The following TIMM13 variants were observed in gnomAD, a reference collection of about 807,000 sequenced individuals.
The protein encoded by TIMM13 is translocase of inner mitochondrial membrane 13.
A neutral mutation model predicts 10.9 loss-of-function variants in TIMM13; 8 were observed. The ratio of observed to expected loss-of-function variants is 0.73; its 90% CI spans 0.43 to 1.32. The LOEUF is 1.32. TIMM13 is among the 40% of genes most tolerant of loss of function. The probability of loss-of-function intolerance (pLI) is 0.01; values close to 1 mark genes in which losing one functional copy is unlikely to be tolerated. For synonymous variants in TIMM13, 68 were observed against 52.5 expected, an observed-to-expected ratio of 1.30 and a Z score of -1.28; for missense variants, 147 against 132.8, an observed-to-expected ratio of 1.11 and a Z score of -0.53.
chr19:2,425,733 CACCGTTCCACTCCGGG>C lies in TIMM13; in HGVS notation c.*1199_*1214del. On this transcript the variant is annotated 3_prime_UTR_variant, in exon 3 of 3. Transcript: ENST00000215570. ...AGCAGGCAGAGGCTGCAGTGGGAGG[CACCGTTCCACTCCGGG>C]ACCACGTGGCGGGTGTCCATAAATG... is the stretch of plus-strand genomic sequence containing the variant. 1.8e-6 allele frequency: 2 copies of C among 1,129,120 alleles called. No individual in the cohort carries two copies. The highest frequency in any genetic ancestry group is 2.4e-6 in the Non-Finnish European group (2 of 830,872). 69.9% of individuals were successfully genotyped at this position (1,129,120 alleles called of 1,614,324 possible).
rs1351736979 is a variant in TIMM13 at position 2,426,662 on chromosome 19, C to T, written c.*286G>A. ...CCGAAGTCCAGACAAGCTGTCCGCC[C>T]AGAATATGAGGCTGACTTGGGCACA... On this transcript the variant is annotated 3_prime_UTR_variant, in exon 3 of 3. Transcript: ENST00000215570. 4 of 522,240 alleles carry T rather than the reference C, an allele frequency of 7.7e-6. No individual in the cohort carries two copies. The highest frequency in any genetic ancestry group is 1.4e-5 in the Non-Finnish European group (4 of 291,858). 32.4% of individuals were successfully genotyped at this position (522,240 alleles called of 1,614,324 possible).
chr19:2,427,136 GA>G, intron 2 of TIMM13, 90 bp from the exon 3 acceptor site: 1 of 1,567,012 alleles, frequency 6.4e-7, no homozygotes, highest in East Asian at 2.3e-5. Flanking sequence ...CCGGGCTGCA[GA>G]CTACGCACGT....
rs1599325299 is a variant in TIMM13, at chr19:2,426,667, T to A, written c.*281A>T. The stretch of plus-strand genomic sequence containing the variant: ...GTCCAGACAAGCTGTCCGCCCAGAA[T>A]ATGAGGCTGACTTGGGCACACTAGG... On this transcript the variant is annotated 3_prime_UTR_variant, in exon 3 of 3. Coordinates refer to ENST00000215570, the MANE Select transcript of TIMM13 (RefSeq NM_012458.4). 2.1e-6 allele frequency: 1 copy of A among 474,260 alleles called. No homozygotes were observed. The highest frequency in any genetic ancestry group is 3.7e-6 in the Non-Finnish European group (1 of 273,596). The allele number at this position is 474,260 out of a possible 1,614,324, so 29.4% of individuals were successfully genotyped here. A position where few individuals can be genotyped will look rare whatever the true frequency, so the allele number is the denominator to read the frequency against.
At chr19:2,427,382 C>T in intron 1 of TIMM13, 32 bp downstream of exon 1, 1 of 1,611,740 alleles carries the variant, frequency 6.2e-7, no homozygotes, top group Non-Finnish European at 8.5e-7. Flanking sequence ...GGCCCTGTCG[C>T]CCCCAGCGCC....
rs946354725 is a variant in TIMM13 at position 2,426,601 on chromosome 19, G to A, written c.*347C>T. 1 of 402,066 alleles carries A rather than the reference G, an allele frequency of 2.5e-6. No individual in the cohort carries two copies. The highest frequency in any genetic ancestry group is 4.5e-6 in the Non-Finnish European group (1 of 220,448). 24.9% of individuals were successfully genotyped at this position (402,066 alleles called of 1,614,324 possible). ...CCAATTTATTTGCCCATCCGCAGGA[G>A]GTGACAGCTCCTGTGGTGTCTGACC... On this transcript the variant is annotated 3_prime_UTR_variant, in exon 3 of 3. Transcript: ENST00000215570.
Position 2,426,813 on chromosome 19 carries a change from C to T in TIMM13, c.*135G>A. The T allele has an allele frequency of 1.1e-6, 1 of 883,592 alleles. No individual in the cohort carries two copies. The highest frequency in any genetic ancestry group is 1.8e-6 in the Non-Finnish European group (1 of 568,456). 54.7% of individuals were successfully genotyped at this position (883,592 alleles called of 1,614,324 possible). On this transcript the variant is annotated 3_prime_UTR_variant, in exon 3 of 3. Coordinates refer to ENST00000215570, the MANE Select transcript of TIMM13 (RefSeq NM_012458.4). ...TGGCAGGGGGCAGGGCGGGGGGTGG[C>T]GAGGACACAGTCCCGTGTGTCCCAG...
Position 2,426,883 on chromosome 19 carries a change from GCGGACC to G in TIMM13, c.*59_*64del. 4.0e-6 allele frequency: 6 copies of G among 1,493,912 alleles called. No individual in the cohort carries two copies. Among genetic ancestry groups the G allele is most frequent in the Non-Finnish European group, 5.5e-6 (6 of 1,100,268 alleles). 92.5% of individuals were successfully genotyped at this position (1,493,912 alleles called of 1,614,324 possible). A position where few individuals can be genotyped will look rare whatever the true frequency, so the allele number is the denominator to read the frequency against. On this transcript the variant is annotated 3_prime_UTR_variant, in exon 3 of 3. Transcript: ENST00000215570. Reference sequence around the variant, plus strand: ...AGCCCCGGGCAGGCAGTACGTACATGCGGACCCCGCCTCTCAAAGCACGTTTATGGA... The same window carrying G: ...AGCCCCGGGCAGGCAGTACGTACATGCCGCCTCTCAAAGCACGTTTATGGA...
rs1199384336 is a variant in TIMM13, at chr19:2,426,163, A to G, written c.*785T>C. The G allele has an allele frequency of 1.6e-6, 2 of 1,250,666 alleles. No homozygotes were observed. The highest frequency in any genetic ancestry group is 6.0e-5 in the Admixed American group (2 of 33,326). The allele number at this position is 1,250,666 out of a possible 1,614,324, so 77.5% of individuals were successfully genotyped here. On this transcript the variant is annotated 3_prime_UTR_variant, in exon 3 of 3. Coordinates refer to ENST00000215570, the MANE Select transcript of TIMM13 (RefSeq NM_012458.4). ...AGCAGGCCACCCAACACCCCACCCC[A>G]CCGTACCCTACCCAAGGACGGGTGT...
At chr19:2,427,075 G>T in intron 2 of TIMM13, 29 bp from the exon 3 acceptor site, 1 of 1,602,224 alleles carries the variant, frequency 6.2e-7, no homozygotes. Context: ...GCACGGCTCA[G>T]CTCGGGACTT....
rs180812425 is a variant in TIMM13 at position 2,426,533 on chromosome 19, G to C, written c.*415C>G. The C allele has an allele frequency of 2.2e-3, 636 of 288,354 alleles. 3 individuals are homozygous for C. The highest frequency in any genetic ancestry group is 3.7e-3 in the Non-Finnish European group (555 of 151,598). The allele number at this position is 288,354 out of a possible 1,614,324, so 17.9% of individuals were successfully genotyped here. A position where few individuals can be genotyped will look rare whatever the true frequency, so the allele number is the denominator to read the frequency against. On this transcript the variant is annotated 3_prime_UTR_variant, in exon 3 of 3. Coordinates refer to ENST00000215570, the MANE Select transcript of TIMM13 (RefSeq NM_012458.4). ...GGGACACGCGTCACCTCTTCCCAGA[G>C]ACCCCTCAGGAGGGAAATAAAGAGG...
chr19:2,427,029 G>C lies in TIMM13; in HGVS notation c.207C>G (p.Cys69Trp), dbSNP rs149391173. 6.2e-7 allele frequency: 1 copy of C among 1,609,210 alleles called. No homozygotes were observed. The highest frequency in any genetic ancestry group is 8.5e-7 in the Non-Finnish European group (1 of 1,178,682). The change falls in exon 3 of 3, where the codon TGC becomes TGG. Residue 69 changes from cysteine to tryptophan, a missense_variant. Cys to Trp is a radical substitution (Grantham distance 215, BLOSUM62 -2). Transcript: ENST00000215570. ...DNSEQKCIAM[C>W]MDRYMDAWNT... Reference sequence around the variant, plus strand: ...TCCAGGCGTCCATGTAGCGGTCCATGCACATGGCGATGCACTTCTGCGGGA... The same window carrying C: ...TCCAGGCGTCCATGTAGCGGTCCATCCACATGGCGATGCACTTCTGCGGGA...
Position 2,426,160 on chromosome 19 carries a change from C to G in TIMM13, c.*788G>C. Reference sequence around the variant, plus strand: ...AGCAGCAGGCCACCCAACACCCCACCCCACCGTACCCTACCCAAGGACGGG... The same window carrying G: ...AGCAGCAGGCCACCCAACACCCCACGCCACCGTACCCTACCCAAGGACGGG... On this transcript the variant is annotated 3_prime_UTR_variant, in exon 3 of 3. Transcript: ENST00000215570. 3.1e-6 allele frequency: 4 copies of G among 1,299,690 alleles called. No individual in the cohort carries two copies. The highest frequency in any genetic ancestry group is 3.0e-6 in the Non-Finnish European group (3 of 1,016,370). 80.5% of individuals were successfully genotyped at this position (1,299,690 alleles called of 1,614,324 possible). A position where few individuals can be genotyped will look rare whatever the true frequency, so the allele number is the denominator to read the frequency against.
In TIMM13 at chr19:2,426,663, A is replaced by C; in HGVS notation, c.*285T>G. 1 of 516,422 alleles carries C rather than the reference A, an allele frequency of 1.9e-6. No homozygotes were observed. The highest frequency in any genetic ancestry group is 3.5e-6 in the Non-Finnish European group (1 of 288,858). 32.0% of individuals were successfully genotyped at this position (516,422 alleles called of 1,614,324 possible). A position where few individuals can be genotyped will look rare whatever the true frequency, so the allele number is the denominator to read the frequency against. On this transcript the variant is annotated 3_prime_UTR_variant, in exon 3 of 3. Coordinates refer to ENST00000215570, the MANE Select transcript of TIMM13 (RefSeq NM_012458.4). Reference sequence around the variant, plus strand: ...CGAAGTCCAGACAAGCTGTCCGCCCAGAATATGAGGCTGACTTGGGCACAC... The same window carrying C: ...CGAAGTCCAGACAAGCTGTCCGCCCCGAATATGAGGCTGACTTGGGCACAC...
In TIMM13 at chr19:2,426,529, C is replaced by CATTCCCAGAG. The variant is rs1971639237; in HGVS notation, c.*418_*419insCTCTGGGAAT. The CATTCCCAGAG allele has an allele frequency of 1.0e-5, 3 of 290,316 alleles. No individual in the cohort carries two copies. The allele number at this position is 290,316 out of a possible 1,614,324, so 18.0% of individuals were successfully genotyped here. Reference sequence around the variant, plus strand: ...TCCAGGGACACGCGTCACCTCTTCCCAGAGACCCCTCAGGAGGGAAATAAA... The same window carrying CATTCCCAGAG: ...TCCAGGGACACGCGTCACCTCTTCCCATTCCCAGAGAGAGACCCCTCAGGAGGGAAATAAA... On this transcript the variant is annotated 3_prime_UTR_variant, in exon 3 of 3. Transcript: ENST00000215570.
rs1325431376 is a variant in TIMM13, at chr19:2,427,480, G to A, written c.54C>T (p.Asp18=). 5 of 1,612,418 alleles carry A rather than the reference G, an allele frequency of 3.1e-6. No homozygotes were observed. Among genetic ancestry groups the A allele is most frequent in the Non-Finnish European group, 4.2e-6 (5 of 1,179,612 alleles). Residue 18 remains aspartate (D), a synonymous_variant, in exon 1 of 3, where the codon GAC becomes GAT. Transcript: ENST00000215570. ...DFGGSGSGKL[D]PGLIMEQVKV... ...TCACCTGCTCCATTATGAGCCCTGG[G>A]TCCAGCTTCCCGCTGCCGGAGCCCC...
At position 2,426,291 on chromosome 19, in the gene TIMM13, G is replaced by C. The variant is rs1002500540; in HGVS notation, c.*657C>G. The C allele has an allele frequency of 2.1e-5, 7 of 337,142 alleles. No individual in the cohort carries two copies. Among genetic ancestry groups the C allele is most frequent in the Middle Eastern group, 7.1e-4 (1 of 1,414 alleles). The allele number at this position is 337,142 out of a possible 1,614,324, so 20.9% of individuals were successfully genotyped here. On this transcript the variant is annotated 3_prime_UTR_variant, in exon 3 of 3. Coordinates refer to ENST00000215570, the MANE Select transcript of TIMM13 (RefSeq NM_012458.4). The stretch of plus-strand genomic sequence containing the variant: ...ACTGGCTCAGCACCTCAGTGTCACA[G>C]CGAGGACCACCTGCCTGGTGCTCCA...
chr19:2,426,977 G>T lies in TIMM13; in HGVS notation c.259C>A (p.Arg87=). ...WNTVSRAYNS[R]LQRERANM is the part of the protein sequence containing the mutation. ...ATGTTGGCTCGTTCCCGCTGCAGCCGCGAGTTGTAGGCGCGAGACACGGTG... is the reference window on the plus strand; with the variant it reads ...ATGTTGGCTCGTTCCCGCTGCAGCCTCGAGTTGTAGGCGCGAGACACGGTG... Residue 87 remains arginine (R), a synonymous_variant, in exon 3 of 3, where the codon CGG becomes AGG. Transcript: ENST00000215570. 1.2e-6 allele frequency: 2 copies of T among 1,603,542 alleles called. No individual in the cohort carries two copies. The highest frequency in any genetic ancestry group is 1.7e-6 in the Non-Finnish European group (2 of 1,175,916).
At chr19:2,427,127 C>G (rs62122268) in intron 2 of TIMM13, 81 bp from the exon 3 acceptor site, 12 of 1,571,586 alleles carry the variant, frequency 7.6e-6, no homozygotes, top group Admixed American at 3.4e-5. Context: ...CCAGGACGCC[C>G]GGGCTGCAGA....
At position 2,427,562 on chromosome 19, in the gene TIMM13, C is replaced by A. The variant is rs1406432660; in HGVS notation, c.-29G>T. ...TCCGCAAAGTCAACCGGACCGAGGC[C>A]GCGTGCGCCGACTCGTAACTAACTG... On this transcript the variant is annotated 5_prime_UTR_variant, in exon 1 of 3. Transcript: ENST00000215570. 5 of 1,570,622 alleles carry A rather than the reference C, an allele frequency of 3.2e-6. No individual in the cohort carries two copies. The East Asian group carries it at 1.2e-4, about 37-fold the overall frequency.
Sources: allele counts gnomAD v4.1 joint callset, GRCh38; gene constraint gnomAD v4.1.1; transcripts MANE v1.5; gene names NCBI Gene and HGNC (gene_info 2026-07-23, HGNC 2026-07-21).